RANBP2: variants seen among roughly 807,000 people sequenced by gnomAD.
The protein encoded by RANBP2 is E3 SUMO-protein ligase RanBP2.
In RANBP2, 57 loss-of-function variants were observed where a neutral mutation model predicts 303.6. That is an observed-to-expected ratio of 0.19 (90% CI 0.15 to 0.23). The LOEUF (loss-of-function observed/expected upper bound fraction) is 0.23, where lower values mean the gene tolerates loss of function less well. Among genes scored for constraint, RANBP2 ranks in the 10% least tolerant of loss-of-function variants. The pLI is 1.00. For synonymous variants in RANBP2, 1,167 were observed against 1,301.5 expected (o/e 0.90, Z 2.23); for missense variants, 3,138 against 3,780.8 (o/e 0.83, Z 4.46).
chr2:109,464,124 C>G, the RANBP2 span, among the ~76,000 whole-genome samples: 66 of 152,176 alleles, frequency 4.3e-4, no homozygotes, highest in Non-Finnish European at 7.6e-4. Flanking sequence ...GGGGATCATT[C>G]AGTTTCTTCT....
the RANBP2 span, among the ~76,000 whole-genome samples, chr2:109,506,870 G>A: frequency 5.3e-5 from 8 of 152,178 alleles, no homozygotes; most frequent in East Asian, 1.9e-4. Context: ...TGGGGAAACC[G>A]AGGCACCACC....
At chr2:108,812,502 A>G in the RANBP2 span, 1 of 669,124 alleles carries the variant, frequency 1.5e-6, no homozygotes, top group Non-Finnish European at 2.6e-6. Context: ...TAAGTTAATC[A>G]TGAATGCTGT....
the RANBP2 span, among the ~76,000 whole-genome samples, chr2:109,077,723 T>C: frequency 2.7e-5 from 4 of 149,998 alleles, 1 homozygote; most frequent in Non-Finnish European, 3.0e-5. Context: ...CCAACATCAC[T>C]ATCATCAGGG....
the RANBP2 span, among the ~76,000 whole-genome samples, chr2:108,955,123 CT>C: frequency 6.6e-6 from 1 of 152,070 alleles, no homozygotes; most frequent in Non-Finnish European, 1.5e-5. Flanking sequence ...GTCTGATTTC[CT>C]GGGTTCAAAT....
At chr2:109,571,709 A>G in the RANBP2 span, among the ~76,000 whole-genome samples, 1 of 152,168 alleles carries the variant, frequency 6.6e-6, no homozygotes, top group Admixed American at 6.5e-5. Context: ...TCCTCAGGGT[A>G]TCGAAACCAA....
At chr2:109,334,486 C>T in the RANBP2 span, among the ~76,000 whole-genome samples, 6 of 152,120 alleles carry the variant, frequency 3.9e-5, no homozygotes, top group East Asian at 1.2e-3. Context: ...GGACTTTCCT[C>T]GCAATAAGGG....
chr2:109,021,246 G>A, the RANBP2 span, among the ~76,000 whole-genome samples: 2 of 152,148 alleles, frequency 1.3e-5, no homozygotes, highest in African/African-American at 2.4e-5. Context: ...CAAAGCCATC[G>A]GGCGCGGTGG....
chr2:109,130,228 C>T, the RANBP2 span: 7 of 1,025,864 alleles, frequency 6.8e-6, no homozygotes, highest in Non-Finnish European at 8.7e-6. Flanking sequence ...CCTGCGTTGG[C>T]CCACTCCGCT....
the RANBP2 span, among the ~76,000 whole-genome samples, chr2:109,462,045 G>A: frequency 6.6e-6 from 1 of 151,778 alleles, no homozygotes; most frequent in Non-Finnish European, 1.5e-5. Flanking sequence ...ATTTCACTGA[G>A]GTAGAAGGCC....
chr2:109,053,344 A>G, the RANBP2 span, among the ~76,000 whole-genome samples: 4 of 152,356 alleles, frequency 2.6e-5, no homozygotes, highest in South Asian at 8.3e-4. Context: ...TCTTGCTTGT[A>G]GTTCTCGCAA....
the RANBP2 span, among the ~76,000 whole-genome samples, chr2:109,249,440 A>G: frequency 6.6e-6 from 1 of 150,790 alleles, no homozygotes; most frequent in African/African-American, 2.4e-5. Flanking sequence ...TCCCTCCTGC[A>G]CCAGATCTCT....
the RANBP2 span, among the ~76,000 whole-genome samples, chr2:109,373,288 C>T: frequency 2.0e-5 from 3 of 152,210 alleles, no homozygotes; most frequent in Non-Finnish European, 4.4e-5. Context: ...TCTGAGCTCT[C>T]GGACATTTTT....
chr2:109,760,852 C>T, the RANBP2 span, among the ~76,000 whole-genome samples: 1 of 108,640 alleles, frequency 9.2e-6, no homozygotes, highest in Non-Finnish European at 1.8e-5. Flanking sequence ...TCACCTGGGC[C>T]GGGTGCTCCG....
At chr2:109,180,118 G>GTT in the RANBP2 span, among the ~76,000 whole-genome samples, 62 of 147,056 alleles carry the variant, frequency 4.2e-4, no homozygotes, top group African/African-American at 1.4e-3. Flanking sequence ...CACAGGAGAA[G>GTT]TTTTTTTTTT....
chr2:109,621,277 C>T, the RANBP2 span, among the ~76,000 whole-genome samples: 31 of 152,192 alleles, frequency 2.0e-4, no homozygotes, highest in Admixed American at 2.6e-4. Flanking sequence ...CTCAGCCTCC[C>T]GAGTAGCTGG....
chr2:108,864,843 C>T, the RANBP2 span, among the ~76,000 whole-genome samples: 1 of 151,060 alleles, frequency 6.6e-6, no homozygotes, highest in Non-Finnish European at 1.5e-5. Context: ...CACTTGTAGT[C>T]CCAGCTACTT....
the RANBP2 span, among the ~76,000 whole-genome samples, chr2:109,724,029 T>C: frequency 6.6e-6 from 1 of 152,228 alleles, no homozygotes; most frequent in African/African-American, 2.4e-5. Flanking sequence ...TAGGGAATCC[T>C]TCCCCCATTG....
At chr2:109,226,285 T>C in the RANBP2 span, among the ~76,000 whole-genome samples, 1 of 152,334 alleles carries the variant, frequency 6.6e-6, no homozygotes, top group Non-Finnish European at 1.5e-5. Context: ...AGAGTAGTTA[T>C]GTAAACAGAT....
At chr2:109,091,372 C>T in the RANBP2 span, among the ~76,000 whole-genome samples, 4 of 152,074 alleles carry the variant, frequency 2.6e-5, no homozygotes, top group African/African-American at 4.8e-5. Flanking sequence ...TTTAGTCCTG[C>T]CCCTGATTAG....
Sources: allele counts gnomAD v4.1 joint callset (sites outside exome capture counted in the v4.1 genomes callset), GRCh38; gene constraint gnomAD v4.1.1; transcripts MANE v1.5; gene names NCBI Gene and HGNC (gene_info 2026-07-23, HGNC 2026-07-21).